Variants in CCSER1 observed in about 807,000 individuals in gnomAD.
CCSER1 encodes the protein serine-rich coiled-coil domain-containing protein 1.
A neutral mutation model predicts 82.0 loss-of-function variants in CCSER1; 41 were observed. The ratio of observed to expected loss-of-function variants is 0.50; its 90% confidence interval spans 0.39 to 0.65. CCSER1 has a LOEUF of 0.65. Ranked by LOEUF, CCSER1 falls within the 30% of genes least tolerant of loss-of-function variation. The probability of loss-of-function intolerance (pLI) is 0.00; values close to 1 mark genes in which losing one functional copy is unlikely to be tolerated. For synonymous variants in CCSER1, 414 were observed against 383.9 expected (o/e 1.08, Z -0.92); for missense variants, 1,119 against 1,064.2 (o/e 1.05, Z -0.72).
At chr4:90,426,290 T>C (rs2153563848) in intron 4 of CCSER1, among the ~76,000 whole-genome samples, 1 of 152,356 alleles carries the variant, frequency 6.6e-6, no homozygotes, top group Non-Finnish European at 1.5e-5. Context: ...CTGATACTCA[T>C]TGATTTATTT....
chr4:91,252,214 A>G (rs1446912438), intron 10 of CCSER1, among the ~76,000 whole-genome samples: 1 of 152,182 alleles, frequency 6.6e-6, no homozygotes, highest in Non-Finnish European at 1.5e-5. Flanking sequence ...GTTGTCAACA[A>G]ATAATTCTAT....
chr4:90,692,818 G>A (rs1736251773), intron 6 of CCSER1, among the ~76,000 whole-genome samples: 1 of 151,864 alleles, frequency 6.6e-6, no homozygotes, highest in South Asian at 2.1e-4. Flanking sequence ...AAATAAAAGA[G>A]TATCAAATTA....
intron 10 of CCSER1, among the ~76,000 whole-genome samples, chr4:91,324,360 T>C (rs1358551): frequency 0.083 from 12,671 of 152,222 alleles, 761 homozygotes; most frequent in East Asian, 0.21. Context: ...CTAACTGTGC[T>C]CAGCAAAGTG....
At chr4:90,922,424 T>C (rs1485616440) in intron 8 of CCSER1, among the ~76,000 whole-genome samples, 1 of 151,994 alleles carries the variant, frequency 6.6e-6, no homozygotes, top group East Asian at 1.9e-4. Flanking sequence ...AAGGAAGAAT[T>C]AAATCACAGT....
intron 7 of CCSER1, among the ~76,000 whole-genome samples, chr4:90,748,731 A>T (rs1445748723): frequency 6.7e-6 from 1 of 148,822 alleles, no homozygotes; most frequent in Non-Finnish European, 1.5e-5. Context: ...TTGCCATTCT[A>T]ACTGGTGTGA....
At chr4:90,773,841 A>G (rs1009680177) in intron 7 of CCSER1, among the ~76,000 whole-genome samples, 2 of 152,226 alleles carry the variant, frequency 1.3e-5, no homozygotes, top group African/African-American at 4.8e-5. Flanking sequence ...ATTTAGAAGA[A>G]GAAATTTAAA....
chr4:91,265,554 C>T (rs1741508131), intron 10 of CCSER1, among the ~76,000 whole-genome samples: 1 of 152,104 alleles, frequency 6.6e-6, no homozygotes, highest in Admixed American at 6.6e-5. Flanking sequence ...ATTCAAATGC[C>T]AGTTGTATTC....
At chr4:90,881,775 A>C (rs561329101) in intron 8 of CCSER1, among the ~76,000 whole-genome samples, 2 of 152,166 alleles carry the variant, frequency 1.3e-5, no homozygotes, top group African/African-American at 4.8e-5. Context: ...ACAGAGTAAG[A>C]CCATGTCTCA....
intron 9 of CCSER1, among the ~76,000 whole-genome samples, chr4:90,970,153 A>G (rs1032601152): frequency 3.3e-5 from 5 of 151,826 alleles, no homozygotes; most frequent in African/African-American, 7.3e-5. Flanking sequence ...GTAAAAATAG[A>G]TAGAGTGGGT....
intron 10 of CCSER1, among the ~76,000 whole-genome samples, chr4:91,510,406 T>G (rs1759753921): frequency 6.6e-6 from 1 of 152,188 alleles, no homozygotes; most frequent in African/African-American, 2.4e-5. Context: ...TGAGAAATCT[T>G]CAAATTGCTT....
intron 3 of CCSER1, among the ~76,000 whole-genome samples, chr4:90,342,041 A>G (rs1169072734): frequency 1.3e-5 from 2 of 152,194 alleles, no homozygotes; most frequent in African/African-American, 4.8e-5. Context: ...CTTTACTTCC[A>G]GAAGAAATTA....
chr4:90,984,089 A>G (rs1191133843), intron 9 of CCSER1, among the ~76,000 whole-genome samples: 3 of 151,902 alleles, frequency 2.0e-5, no homozygotes, highest in Admixed American at 2.0e-4. Flanking sequence ...TGCTCAAATG[A>G]ATAAGTACTT....
chr4:90,825,724 G>A (rs143081396), intron 8 of CCSER1, among the ~76,000 whole-genome samples: 2 of 140,190 alleles, frequency 1.4e-5, no homozygotes, highest in Non-Finnish European at 3.1e-5. Context: ...TTTTGTTTTT[G>A]TTGTTGCTTT....
intron 7 of CCSER1, among the ~76,000 whole-genome samples, chr4:90,796,305 T>G (rs904658524): frequency 6.6e-6 from 1 of 152,088 alleles, no homozygotes; most frequent in South Asian, 2.1e-4. Flanking sequence ...TTTTGATTTT[T>G]TTTTGTATTT....
chr4:91,512,046 T>C (rs1340649624), intron 10 of CCSER1, among the ~76,000 whole-genome samples: 2 of 152,168 alleles, frequency 1.3e-5, no homozygotes, highest in African/African-American at 4.8e-5. Flanking sequence ...TGGTTAATAT[T>C]GAGTTAACTA....
intron 10 of CCSER1, among the ~76,000 whole-genome samples, chr4:91,267,725 T>G (rs996429893): frequency 1.3e-5 from 2 of 152,186 alleles, no homozygotes. Context: ...CTTGGGGCAA[T>G]ATTTAAGCAA....
chr4:91,362,509 A>G (rs1749317575), intron 10 of CCSER1, among the ~76,000 whole-genome samples: 1 of 151,872 alleles, frequency 6.6e-6, no homozygotes, highest in African/African-American at 2.4e-5. Flanking sequence ...TATTTTATTT[A>G]AAGTCCAAAA....
intron 4 of CCSER1, among the ~76,000 whole-genome samples, chr4:90,402,776 T>C (rs1021098337): frequency 6.6e-6 from 1 of 152,204 alleles, no homozygotes; most frequent in Non-Finnish European, 1.5e-5. Flanking sequence ...ATCAACCTCT[T>C]TAAACTTTAG....
chr4:90,418,170 T>C (rs1485741764), intron 4 of CCSER1, among the ~76,000 whole-genome samples: 1 of 152,072 alleles, frequency 6.6e-6, no homozygotes, highest in Non-Finnish European at 1.5e-5. Context: ...ACCTCATAAA[T>C]TTGATGGAGA....
Sources: gnomAD v4.1 joint callset for allele counts (sites outside exome capture counted in the v4.1 genomes callset) on GRCh38, gnomAD v4.1.1 for gene constraint, MANE v1.5 for transcripts, NCBI Gene and HGNC (gene_info 2026-07-23, HGNC 2026-07-21) for gene names.